POLQ: variants seen among roughly 807,000 people sequenced by gnomAD.
POLQ encodes epididymis secretory sperm binding protein.
Under a neutral mutation model 259.2 loss-of-function variants are expected in POLQ, and 233 were observed. That is an observed-to-expected ratio of 0.90 (90% CI 0.81 to 1.00). POLQ has a LOEUF of 1.00. Among genes scored for constraint, POLQ ranks in the 50% least tolerant of loss-of-function variants. The pLI is 0.00. For synonymous variants in POLQ, 1,025 were observed against 1,048.8 expected, an observed-to-expected ratio of 0.98 and a Z score of 0.44; for missense variants, 2,871 against 3,051.6, an observed-to-expected ratio of 0.94 and a Z score of 1.39.
chr3:121,464,715 C>T (rs2047821553), intron 24 of POLQ, among the ~76,000 whole-genome samples: 1 of 152,064 alleles, frequency 6.6e-6, no homozygotes, highest in South Asian at 2.1e-4. Flanking sequence ...GTTTCATGAA[C>T]AAAATTTAAA....
chr3:121,469,272 A>G (rs2047864586), intron 22 of POLQ, among the ~76,000 whole-genome samples: 1 of 151,966 alleles, frequency 6.6e-6, no homozygotes, highest in African/African-American at 2.4e-5. Context: ...GAATTTCTCT[A>G]AAACATGAAA....
chr3:121,512,065 T>C lies in POLQ; in HGVS notation c.1469-36A>G, dbSNP rs182377594. On this transcript the variant is annotated intron_variant, in intron 9 of 29. Transcript: ENST00000264233. ...AAGATACACATTTGCAAAATCCCAA[T>C]ATAGTTCCATAAGATATCTGCTAAA... 37 of 1,572,988 alleles carry C rather than the reference T, an allele frequency of 2.4e-5. No homozygotes were observed. The Admixed American group carries it at 5.1e-4, about 22-fold the overall frequency.
intron 9 of POLQ, among the ~76,000 whole-genome samples, chr3:121,513,937 G>A (rs1280198099): frequency 1.0e-4 from 15 of 143,366 alleles, no homozygotes; most frequent in South Asian, 2.3e-4. Context: ...CAGGAGAATC[G>A]CTTGAGCCCT....
rs866662457 is a variant in POLQ, at chr3:121,489,622, C to G, written c.3309G>C (p.Leu1103Phe). The G allele has an allele frequency of 6.2e-7, 1 of 1,613,868 alleles. No individual in the cohort carries two copies. The highest frequency in any genetic ancestry group is 1.3e-5 in the African/African-American group (1 of 75,036). The stretch of plus-strand genomic sequence containing the variant: ...TTTTATTATCTTTTTCCTTACCACT[C>G]AAAGATACATTTTTAGCAAATGGCC... Reference protein sequence around the residue: ...NSGPFAKNVSLSGKEKDNKTS... With the variant: ...NSGPFAKNVSFSGKEKDNKTS... Residue 1103 changes from leucine (L) to phenylalanine (F), a missense_variant, in exon 16 of 30, where the codon TTG (leucine) becomes TTC (phenylalanine). Around this residue, in one of 3 missense-constraint regions of POLQ, gnomAD observed 2,080 missense variants for 2,126.0 expected, o/e 0.98. Coordinates refer to ENST00000264233, the MANE Select transcript of POLQ (RefSeq NM_199420.4).
At chr3:121,518,193 G>A (rs887988362) in intron 9 of POLQ, among the ~76,000 whole-genome samples, 1 of 152,118 alleles carries the variant, frequency 6.6e-6, no homozygotes, top group African/African-American at 2.4e-5. Flanking sequence ...TTGAGCTCCA[G>A]CCAACAGCAT....
In POLQ at chr3:121,489,214, C is replaced by T. The variant is rs1397850050; in HGVS notation, c.3717G>A (p.Arg1239=). The T allele has an allele frequency of 5.0e-6, 8 of 1,612,478 alleles. 1 individual carries two copies. In the South Asian group the frequency reaches 8.8e-5, roughly 18 times the overall value. Residue 1239 remains arginine, a synonymous_variant, in exon 16 of 30, where the codon AGG becomes AGA. Transcript: ENST00000264233. ...RDSNVTINCE[R]IKLNTEENKP... The stretch of plus-strand genomic sequence containing the variant: ...TATTTTCCTCTGTATTAAGCTTTAT[C>T]CTTTCACAATTGATAGTAACATTTG...
chr3:121,450,284 C>CA (rs1355838059), intron 25 of POLQ, among the ~76,000 whole-genome samples: 2 of 151,954 alleles, frequency 1.3e-5, no homozygotes, highest in Admixed American at 6.6e-5. Context: ...ATCAGAATTC[C>CA]AAAAAAACTT....
chr3:121,541,837 G>T (rs1039287865), intron 2 of POLQ, among the ~76,000 whole-genome samples: 14 of 152,234 alleles, frequency 9.2e-5, no homozygotes, highest in African/African-American at 3.4e-4. Context: ...CGAAGTTGAA[G>T]AAAAGGGCTG....
At chr3:121,526,898 C>T (rs564468130) in intron 7 of POLQ, among the ~76,000 whole-genome samples, 71 of 152,002 alleles carry the variant, frequency 4.7e-4, no homozygotes, top group Non-Finnish European at 6.8e-4. Flanking sequence ...TGTGCGCGCG[C>T]GCACGCACGT....
At chr3:121,491,682 G>A (rs1328945331) in intron 15 of POLQ, among the ~76,000 whole-genome samples, 6 of 152,108 alleles carry the variant, frequency 3.9e-5, no homozygotes, top group Non-Finnish European at 2.9e-5. Flanking sequence ...TAACTAGAGA[G>A]GAACAACTCG....
chr3:121,518,052 C>T (rs1287749992), intron 9 of POLQ, among the ~76,000 whole-genome samples: 2 of 152,128 alleles, frequency 1.3e-5, no homozygotes, highest in East Asian at 3.8e-4. Context: ...CCCTTGCTGC[C>T]AAGGAAAACA....
chr3:121,464,868 G>T (rs570593944), intron 24 of POLQ, among the ~76,000 whole-genome samples: 87 of 152,132 alleles, frequency 5.7e-4, no homozygotes, highest in African/African-American at 1.9e-3. Flanking sequence ...TGGTCCCAAG[G>T]ATTTGAGATA....
At chr3:121,467,407 A>G in intron 24 of POLQ, 112 bp downstream of exon 24, 1 of 1,016,520 alleles carries the variant, frequency 9.8e-7, no homozygotes, top group Non-Finnish European at 1.5e-6. Flanking sequence ...GTAGACAGAA[A>G]GATGGAGGGA....
At chr3:121,534,175 C>T (rs531436477) in intron 5 of POLQ, among the ~76,000 whole-genome samples, 13 of 152,200 alleles carry the variant, frequency 8.5e-5, no homozygotes, top group African/African-American at 2.9e-4. Context: ...CACGCCCAGC[C>T]GATACTGTTT....
At chr3:121,472,770 G>A (rs148570483) in intron 21 of POLQ, among the ~76,000 whole-genome samples, 111 of 152,150 alleles carry the variant, frequency 7.3e-4, no homozygotes, top group African/African-American at 2.5e-3. Flanking sequence ...TCTACACAAG[G>A]GCAACTTGGA....
intron 25 of POLQ, among the ~76,000 whole-genome samples, chr3:121,458,266 A>T (rs1398630027): frequency 6.6e-6 from 1 of 152,164 alleles, no homozygotes; most frequent in Non-Finnish European, 1.5e-5. Context: ...GGATAGCATT[A>T]GGAGATATAC....
Position 121,450,300 on chromosome 3 carries a change from A to G in POLQ, c.7153-874T>C, listed in dbSNP as rs530096483. On this transcript the variant is annotated intron_variant, in intron 25 of 29. Transcript: ENST00000264233. ...TCAGAATTCCAAAAAAACTTTCAAC[A>G]TGATAAGCTAACTAAAGTCTACCCC... Among the ~76,000 whole-genome samples, 72 of 152,318 alleles carry G rather than the reference A, an allele frequency of 4.7e-4. 1 individual carries two copies. Among genetic ancestry groups the G allele is most frequent in the South Asian group, 3.5e-3 (17 of 4,824 alleles).
chr3:121,489,946 A>G lies in POLQ; in HGVS notation c.2985T>C (p.Asp995=), dbSNP rs1169776545. 4 of 1,580,008 alleles carry G rather than the reference A, an allele frequency of 2.5e-6. No homozygotes were observed. In the East Asian group the frequency reaches 8.9e-5, roughly 35 times the overall value. ...IFRARKRASL[D]INKEKPGASQ... ...AGGCTCCTGGCTTCTCTTTATTTAT[A>G]TCTAAAGAGGCCCGTTTTCTTGCTC... The change falls in exon 16 of 30, where the codon GAT becomes GAC. Residue 995 remains aspartate (D), a synonymous_variant. Coordinates refer to ENST00000264233, the MANE Select transcript of POLQ (RefSeq NM_199420.4).
intron 26 of POLQ, among the ~76,000 whole-genome samples, chr3:121,445,304 T>A (rs996886895): frequency 6.6e-6 from 1 of 152,124 alleles, no homozygotes; most frequent in African/African-American, 2.4e-5. Flanking sequence ...ACTGTTCAGG[T>A]TTTTTTGTTC....
Sources: allele counts gnomAD v4.1 joint callset (sites outside exome capture counted in the v4.1 genomes callset), GRCh38; gene constraint gnomAD v4.1.1; regional missense constraint gnomAD v4.1.1; transcripts MANE v1.5; gene names NCBI Gene and HGNC (gene_info 2026-07-23, HGNC 2026-07-21).